SUGCT: variants seen among roughly 807,000 people sequenced by gnomAD.
SUGCT encodes succinyl-CoA:glutarate-CoA transferase, also known as succinyl-CoA:glutarate CoA-transferase.
A neutral mutation model predicts 55.0 loss-of-function variants in SUGCT; 41 were observed. The observed-to-expected ratio is 0.74, with a 90% CI of 0.58 to 0.97. The LOEUF (loss-of-function observed/expected upper bound fraction) is 0.97, where lower values mean the gene tolerates loss of function less well. Ranked by LOEUF, SUGCT falls within the 50% of genes least tolerant of loss-of-function variation. The pLI is 0.00. For synonymous variants in SUGCT, 187 were observed against 200.4 expected (o/e 0.93, Z 0.56); for missense variants, 568 against 547.8 (o/e 1.04, Z -0.37).
intron 9 of SUGCT, among the ~76,000 whole-genome samples, chr7:40,342,103 C>G (rs930806853): frequency 6.6e-6 from 1 of 152,208 alleles, no homozygotes; most frequent in African/African-American, 2.4e-5. Flanking sequence ...ATCAATCTCT[C>G]ACCTGGCAGG....
intron 1 of SUGCT, chr7:40,153,024 G>GAACA (rs142630442): frequency 0.037 from 7,227 of 194,178 alleles, 543 homozygotes; most frequent in African/African-American, 0.16. Context: ...TGATTTTAAG[G>GAACA]AACAAACAAA....
intron 12 of SUGCT, among the ~76,000 whole-genome samples, chr7:40,557,609 C>T (rs1270308247): frequency 6.6e-6 from 1 of 151,838 alleles, no homozygotes; most frequent in Admixed American, 6.6e-5. Context: ...CCCATTTCTA[C>T]TAAAAATACA....
At chr7:40,172,551 G>T (rs554487183) in intron 1 of SUGCT, among the ~76,000 whole-genome samples, 1 of 152,238 alleles carries the variant, frequency 6.6e-6, no homozygotes, top group East Asian at 1.9e-4. Context: ...AGATTCAGAG[G>T]TAAGGAGAAT....
intron 12 of SUGCT, among the ~76,000 whole-genome samples, chr7:40,681,391 A>G (rs1198143903): frequency 2.0e-5 from 3 of 152,178 alleles, no homozygotes; most frequent in Admixed American, 1.3e-4. Flanking sequence ...CAAGGTTCAG[A>G]TGAGTTTTCA....
intron 12 of SUGCT, among the ~76,000 whole-genome samples, chr7:40,700,874 C>A (rs976985523): frequency 6.6e-6 from 1 of 152,174 alleles, no homozygotes; most frequent in Non-Finnish European, 1.5e-5. Flanking sequence ...GACCCACAGT[C>A]ACTCACTGAG....
rs946452022 is a variant in SUGCT at position 40,380,453 on chromosome 7, G to A, written c.816+63598G>A. ...TTCGGAGGTCTTTACCCTGCCATTC[G>A]TGCTGATGTCACTCCGGCATATGGC... On this transcript the variant is annotated intron_variant, in intron 9 of 13. Coordinates refer to ENST00000335693, the MANE Select transcript of SUGCT (RefSeq NM_001193313.2). Among the ~76,000 whole-genome samples the A allele has an allele frequency of 3.3e-5, 5 of 152,200 alleles. No individual in the cohort carries two copies. The South Asian group carries it at 6.2e-4, about 19-fold the overall frequency.
intron 12 of SUGCT, among the ~76,000 whole-genome samples, chr7:40,666,617 G>T (rs755553176): frequency 6.6e-6 from 1 of 151,922 alleles, no homozygotes; most frequent in Non-Finnish European, 1.5e-5. Flanking sequence ...AAGCCAGCCA[G>T]GGAAACCAAG....
the SUGCT span, among the ~76,000 whole-genome samples, chr7:41,004,515 A>C: frequency 6.6e-6 from 1 of 152,216 alleles, no homozygotes; most frequent in Non-Finnish European, 1.5e-5. Context: ...ACATTGTTGC[A>C]GCCAAGAGGC....
intron 12 of SUGCT, among the ~76,000 whole-genome samples, chr7:40,587,383 C>T (rs1797439192): frequency 6.6e-6 from 1 of 152,138 alleles, no homozygotes; most frequent in Non-Finnish European, 1.5e-5. Flanking sequence ...TTATTGTAAC[C>T]AGGCTATTTT....
the SUGCT span, among the ~76,000 whole-genome samples, chr7:40,866,307 G>A: frequency 1.3e-5 from 2 of 151,966 alleles, no homozygotes; most frequent in Non-Finnish European, 1.5e-5. Context: ...GACGGTCCTG[G>A]ATTTATGTTT....
In SUGCT at chr7:40,587,778, G is replaced by T. The variant is rs540418798; in HGVS notation, c.1089+91392G>T. ...CTTTAAAATTTTTCAATACATAATGGAATTTTCATTTTCACTCATATTTCA... is the reference window on the plus strand; with the variant it reads ...CTTTAAAATTTTTCAATACATAATGTAATTTTCATTTTCACTCATATTTCA... On this transcript the variant is annotated intron_variant, in intron 12 of 13. Coordinates refer to ENST00000335693, the MANE Select transcript of SUGCT (RefSeq NM_001193313.2). Among the ~76,000 whole-genome samples the T allele has an allele frequency of 2.0e-5, 3 of 151,990 alleles. No homozygotes were observed. The South Asian group carries it at 6.2e-4, about 32-fold the overall frequency.
chr7:40,987,140 T>C, the SUGCT span, among the ~76,000 whole-genome samples: 2 of 152,080 alleles, frequency 1.3e-5, no homozygotes, highest in African/African-American at 4.8e-5. Context: ...CATAACCCAG[T>C]AGGACGGACA....
At chr7:40,622,541 T>G (rs1166183553) in intron 12 of SUGCT, among the ~76,000 whole-genome samples, 4 of 149,942 alleles carry the variant, frequency 2.7e-5, no homozygotes, top group African/African-American at 9.8e-5. Flanking sequence ...TTTTTTTTTT[T>G]TTTTTTTTTT....
intron 12 of SUGCT, among the ~76,000 whole-genome samples, chr7:40,575,104 T>A (rs532794060): frequency 1.9e-5 from 2 of 107,654 alleles, no homozygotes. Context: ...AGCAGGATGG[T>A]GGGCAGGAGG....
At chr7:40,652,850 A>T (rs17171753) in intron 12 of SUGCT, among the ~76,000 whole-genome samples, 31,025 of 152,062 alleles carry the variant, frequency 0.2, 6,093 homozygotes, top group African/African-American at 0.52. Flanking sequence ...CACCTTAATG[A>T]CCTTCTTATC....
intron 12 of SUGCT, among the ~76,000 whole-genome samples, chr7:40,596,706 A>G (rs1038757424): frequency 6.6e-6 from 1 of 152,156 alleles, no homozygotes; most frequent in Admixed American, 6.6e-5. Context: ...CAGCTAATAT[A>G]TGAAGTGTTA....
intron 1 of SUGCT, among the ~76,000 whole-genome samples, chr7:40,165,042 T>C (rs1428194912): frequency 2.6e-5 from 4 of 152,206 alleles, no homozygotes; most frequent in African/African-American, 9.6e-5. Flanking sequence ...GGAAACATCA[T>C]GCTAACTATT....
At chr7:40,258,481 C>A (rs371276488) in intron 7 of SUGCT, among the ~76,000 whole-genome samples, 1 of 152,118 alleles carries the variant, frequency 6.6e-6, no homozygotes, top group Non-Finnish European at 1.5e-5. Flanking sequence ...CGGGTTCAAG[C>A]GATAATCCTG....
the SUGCT span, among the ~76,000 whole-genome samples, chr7:40,943,373 G>A: frequency 2.7e-5 from 4 of 148,782 alleles, no homozygotes; most frequent in South Asian, 2.2e-4. Context: ...CTGGTGTGCC[G>A]CACCCATTAA....
Sources: allele counts gnomAD v4.1 joint callset (sites outside exome capture counted in the v4.1 genomes callset), GRCh38; gene constraint gnomAD v4.1.1; transcripts MANE v1.5; gene names NCBI Gene and HGNC (gene_info 2026-07-23, HGNC 2026-07-21).